Variants in CDH4 observed in about 807,000 individuals in gnomAD.
CDH4 encodes the protein cadherin-4.
A neutral mutation model predicts 86.0 loss-of-function variants in CDH4; 33 were observed. The ratio of observed to expected loss-of-function variants is 0.38; its 90% CI spans 0.29 to 0.51. The LOEUF (loss-of-function observed/expected upper bound fraction) is 0.51. Ranked by LOEUF, CDH4 falls within the 20% of genes least tolerant of loss-of-function variation. CDH4 has a pLI of 0.86. For synonymous variants in CDH4, 555 were observed against 549.4 expected (o/e 1.01, Z -0.14); for missense variants, 1,114 against 1,307.4 (o/e 0.85, Z 2.28).
At chr20:61,431,359 G>GGTTTT (rs1568841938) in intron 2 of CDH4, among the ~76,000 whole-genome samples, 1 of 129,982 alleles carries the variant, frequency 7.7e-6, no homozygotes, top group Non-Finnish European at 1.6e-5. Flanking sequence ...TTTTTTGTTG[G>GGTTTT]TTTTTTTTTT....
intron 11 of CDH4, among the ~76,000 whole-genome samples, chr20:61,927,425 G>A (rs978560531): frequency 7.3e-4 from 111 of 152,310 alleles, no homozygotes; most frequent in African/African-American, 2.5e-3. Context: ...GAAGCCAGAG[G>A]TCATCGGGTC....
intron 4 of CDH4, among the ~76,000 whole-genome samples, chr20:61,812,712 G>A (rs932042363): frequency 6.6e-6 from 1 of 152,174 alleles, no homozygotes; most frequent in African/African-American, 2.4e-5. Context: ...GGGATAATAC[G>A]GGGAGTTGGG....
chr20:61,402,247 A>G (rs2085053507), intron 2 of CDH4, among the ~76,000 whole-genome samples: 2 of 152,184 alleles, frequency 1.3e-5, no homozygotes, highest in South Asian at 4.1e-4. Flanking sequence ...TGTGTTACCT[A>G]TGCACATCCT....
At chr20:61,545,897 A>C (rs73134517) in intron 2 of CDH4, among the ~76,000 whole-genome samples, 2 of 95,766 alleles carry the variant, frequency 2.1e-5, no homozygotes, top group Non-Finnish European at 4.1e-5. Context: ...ATGTGTTCGT[A>C]TGTGTGTGTG....
chr20:61,458,370 G>C (rs1056286975), intron 2 of CDH4, among the ~76,000 whole-genome samples: 24 of 140,928 alleles, frequency 1.7e-4, no homozygotes, highest in Admixed American at 6.8e-5. Context: ...TGGTGGTCAT[G>C]GTGGTGATGG....
At chr20:61,526,430 C>T (rs186543563) in intron 2 of CDH4, among the ~76,000 whole-genome samples, 10 of 152,186 alleles carry the variant, frequency 6.6e-5, no homozygotes, top group Admixed American at 1.3e-4. Context: ...TCTCCTCCGA[C>T]GATGGACTCA....
At chr20:61,291,129 T>C (rs1475131704) in intron 2 of CDH4, among the ~76,000 whole-genome samples, 1 of 152,172 alleles carries the variant, frequency 6.6e-6, no homozygotes, top group Non-Finnish European at 1.5e-5. Flanking sequence ...AGTGAGAACC[T>C]CTCTTTTCCA....
intron 2 of CDH4, among the ~76,000 whole-genome samples, chr20:61,403,075 G>T (rs2085058762): frequency 1.3e-5 from 2 of 152,128 alleles, no homozygotes; most frequent in South Asian, 4.2e-4. Context: ...ATTTTGCAGG[G>T]GTCTCTCCTG....
At position 61,392,407 on chromosome 20, in the gene CDH4, G is replaced by A. The variant is rs1044446580; in HGVS notation, c.169+137470G>A. Reference sequence around the variant, plus strand: ...AGGGCGCCACCGGGATGGAACGCACGGCGCCCCGACGTGATTTTCCAGAGA... The same window carrying A: ...AGGGCGCCACCGGGATGGAACGCACAGCGCCCCGACGTGATTTTCCAGAGA... On this transcript the variant is annotated intron_variant, in intron 2 of 15. Coordinates refer to ENST00000614565, the MANE Select transcript of CDH4 (RefSeq NM_001794.5). The surrounding 1 kb of genome is among the most constrained non-coding windows in gnomAD (Gnocchi z 5.7). Among the ~76,000 whole-genome samples the A allele has an allele frequency of 7.2e-5, 11 of 152,116 alleles. No homozygotes were observed. The highest frequency in any genetic ancestry group is 3.9e-4 in the Admixed American group (6 of 15,272).
intron 2 of CDH4, among the ~76,000 whole-genome samples, chr20:61,466,726 C>G (rs1199091514): frequency 6.6e-6 from 1 of 152,128 alleles, no homozygotes; most frequent in African/African-American, 2.4e-5. Flanking sequence ...TGGCATGCAT[C>G]TGTAGTTCCA....
chr20:61,548,854 TATC>T (rs1246436936), intron 2 of CDH4, among the ~76,000 whole-genome samples: 3 of 152,268 alleles, frequency 2.0e-5, no homozygotes, highest in East Asian at 3.9e-4. Context: ...ATTGGAACAT[TATC>T]ATCAAAAACT....
At chr20:61,422,457 A>AAAAAAAAAAAAAAAAC (rs2085184910) in intron 2 of CDH4, among the ~76,000 whole-genome samples, 1 of 61,590 alleles carries the variant, frequency 1.6e-5, no homozygotes, top group Non-Finnish European at 3.2e-5. Flanking sequence ...AAAAAAAAAA[A>AAAAAAAAAAAAAAAAC]AAAAAAAAAA....
rs2085842522 is a variant in CDH4 at position 61,518,541 on chromosome 20, C to T, written c.170-225022C>T. 6.6e-6 allele frequency among the ~76,000 whole-genome samples: 1 copy of T among 151,924 alleles called. No homozygotes were observed. The highest frequency in any genetic ancestry group is 2.1e-4 in the South Asian group (1 of 4,804). ...ATCTATCATCCATCCATCTATCCAT[C>T]ATTCATCCATCATCCTTCTATTTGT... On this transcript the variant is annotated intron_variant, in intron 2 of 15. Coordinates refer to ENST00000614565, the MANE Select transcript of CDH4 (RefSeq NM_001794.5). This position sits in a 1 kb window ranked among gnomAD's most constrained non-coding sequence, Gnocchi z 6.3.
intron 2 of CDH4, among the ~76,000 whole-genome samples, chr20:61,710,839 G>A (rs957061036): frequency 2.6e-5 from 4 of 152,214 alleles, no homozygotes; most frequent in Non-Finnish European, 5.9e-5. Context: ...GAGAGACCAT[G>A]CAGTCCTGAA....
At chr20:61,527,076 C>T (rs569925936) in intron 2 of CDH4, among the ~76,000 whole-genome samples, 6 of 152,212 alleles carry the variant, frequency 3.9e-5, no homozygotes, top group East Asian at 1.9e-4. Flanking sequence ...TACTTGCTAA[C>T]GCTGTAAAAC....
chr20:61,818,787 G>A (rs1980867395), intron 4 of CDH4, among the ~76,000 whole-genome samples: 1 of 151,902 alleles, frequency 6.6e-6, no homozygotes, highest in Admixed American at 6.6e-5. Context: ...CCAGGATGGT[G>A]GGCGGAAAGG....
rs1358165066 is a variant in CDH4, at chr20:61,879,853, T to A, written c.1050+5953T>A. Among the ~76,000 whole-genome samples, 1 of 152,164 alleles carries A rather than the reference T, an allele frequency of 6.6e-6. No individual in the cohort carries two copies. The highest frequency in any genetic ancestry group is 1.5e-5 in the Non-Finnish European group (1 of 68,030). On this transcript the variant is annotated intron_variant, in intron 7 of 15. Transcript: ENST00000614565. This position sits in a 1 kb window ranked among gnomAD's most constrained non-coding sequence, Gnocchi z 4.1. ...CTGCTCCCGAGGATGTTGATTTTGT[T>A]ATTAGAAACTGAATCCGGCCTTCCG... is the stretch of plus-strand genomic sequence containing the variant.
intron 2 of CDH4, among the ~76,000 whole-genome samples, chr20:61,411,202 G>A (rs191344518): frequency 6.6e-6 from 1 of 151,626 alleles, no homozygotes; most frequent in African/African-American, 2.4e-5. Flanking sequence ...GGCTAATGAG[G>A]TGCCTGCTTT....
At chr20:61,920,226 C>CA in intron 9 of CDH4, among the ~76,000 whole-genome samples, 2 of 123,862 alleles carry the variant, frequency 1.6e-5, no homozygotes, top group East Asian at 2.6e-4. Context: ...CATGGTGTCA[C>CA]GGTGATTGCA....
Sources: allele counts gnomAD v4.1 joint callset (sites outside exome capture counted in the v4.1 genomes callset), GRCh38; gene constraint gnomAD v4.1.1; non-coding constraint Gnocchi (gnomAD v3.1); transcripts MANE v1.5; gene names NCBI Gene and HGNC (gene_info 2026-07-23, HGNC 2026-07-21).